RSPO2: variants seen among roughly 807,000 people sequenced by gnomAD.
RSPO2 encodes the protein R-spondin-2.
RSPO2 carries 14 observed loss-of-function variants against 30.9 expected under a neutral mutation model. The ratio of observed to expected loss-of-function variants is 0.45; its 90% CI spans 0.30 to 0.71. The LOEUF (loss-of-function observed/expected upper bound fraction) is 0.71, where lower values mean the gene tolerates loss of function less well. Ranked by LOEUF, RSPO2 falls within the 30% of genes least tolerant of loss-of-function variation. RSPO2 has a pLI of 0.08. For missense variants in RSPO2, 264 were observed against 301.9 expected (o/e 0.87, Z 0.93); for synonymous variants, 107 against 96.4 (o/e 1.11, Z -0.64).
chr8:107,989,000 C>A, intron 3 of RSPO2, 56 bp downstream of exon 3: 1 of 1,401,004 alleles, frequency 7.1e-7, no homozygotes, highest in African/African-American at 1.5e-5. Flanking sequence ...TTCAACTTAG[C>A]TCCTCTCCTA....
chr8:108,051,467 C>T (rs1027632260), intron 2 of RSPO2, among the ~76,000 whole-genome samples: 3 of 151,988 alleles, frequency 2.0e-5, no homozygotes, highest in Admixed American at 2.0e-4. Context: ...GACTGGAAGT[C>T]AAATCATCTA....
chr8:107,972,721 A>T (rs1327837201), intron 3 of RSPO2, among the ~76,000 whole-genome samples: 1 of 152,112 alleles, frequency 6.6e-6, no homozygotes, highest in Non-Finnish European at 1.5e-5. Flanking sequence ...GAAACTGCCA[A>T]CATCAGATAT....
intron 5 of RSPO2, among the ~76,000 whole-genome samples, chr8:107,902,979 A>G (rs923382208): frequency 6.6e-6 from 1 of 152,146 alleles, no homozygotes; most frequent in African/African-American, 2.4e-5. Context: ...TCAAGCCATC[A>G]TTAATCAAAG....
intron 2 of RSPO2, among the ~76,000 whole-genome samples, chr8:107,992,174 TACACACACAC>T (rs35054419): frequency 3.5e-5 from 5 of 142,066 alleles, no homozygotes; most frequent in Admixed American, 2.1e-4. Context: ...GAAAATGTGA[TACACACACAC>T]ACACACACAC....
chr8:107,924,342 T>G (rs1812286017), intron 5 of RSPO2, among the ~76,000 whole-genome samples: 2 of 152,068 alleles, frequency 1.3e-5, no homozygotes, highest in Non-Finnish European at 2.9e-5. Context: ...ATTTTGAGGT[T>G]AAACATAAGG....
rs146486138 is a variant in RSPO2, at chr8:107,958,081, T to C, written c.615A>G (p.Gly205=). ...AGTAGTGATTATATCCACACCTACC[T>C]CCTGGACAATGCCTCATTGTCATCT... The part of the protein sequence containing the change: ...RCKMTMRHCP[G]GKRTPKAKEK... Residue 205 remains glycine (G), a splice_region_variant and synonymous_variant, in exon 5 of 6, where the codon GGA becomes GGG. Coordinates refer to ENST00000276659, the MANE Select transcript of RSPO2 (RefSeq NM_178565.5). 101 of 1,610,462 alleles carry C rather than the reference T, an allele frequency of 6.3e-5. No homozygotes were observed. The highest frequency in any genetic ancestry group is 8.2e-5 in the Non-Finnish European group (96 of 1,177,038).
chr8:107,959,744 C>A (rs908443022), intron 4 of RSPO2, among the ~76,000 whole-genome samples: 1 of 152,022 alleles, frequency 6.6e-6, no homozygotes, highest in Non-Finnish European at 1.5e-5. Flanking sequence ...AATAGTGGTG[C>A]CTATAAAATG....
Position 107,958,168 on chromosome 8 carries a change from A to T in RSPO2, c.528T>A (p.Ile176=), listed in dbSNP as rs200806324. The T allele has an allele frequency of 5.6e-6, 9 of 1,613,870 alleles. No individual in the cohort carries two copies. The highest frequency in any genetic ancestry group is 1.1e-5 in the South Asian group (1 of 91,074). ...TTGTGTCTTTCACTGGCTTTTTAAC[A>T]ATTTGCCGTGTTCTGGTTTCCAGAC... is the stretch of plus-strand genomic sequence containing the variant. ...KWGLETRTRQ[I]VKKPVKDTIL... is the part of the protein sequence containing the mutation. Residue 176 remains isoleucine, a synonymous_variant, in exon 5 of 6, where the codon ATT becomes ATA. Transcript: ENST00000276659.
intron 3 of RSPO2, among the ~76,000 whole-genome samples, chr8:107,968,429 G>T (rs1044599349): frequency 1.2e-4 from 18 of 152,102 alleles, no homozygotes; most frequent in South Asian, 2.1e-4. Flanking sequence ...TAGAATGGTG[G>T]TTACCAGAGA....
chr8:108,022,285 A>G (rs1235085235), intron 2 of RSPO2, among the ~76,000 whole-genome samples: 1 of 152,158 alleles, frequency 6.6e-6, no homozygotes, highest in Non-Finnish European at 1.5e-5. Flanking sequence ...AGAGAGAGCA[A>G]CAGTTAAAAT....
At chr8:107,903,482 TCTGAAG>T (rs1811543644) in intron 5 of RSPO2, among the ~76,000 whole-genome samples, 2 of 152,220 alleles carry the variant, frequency 1.3e-5, no homozygotes, top group African/African-American at 4.8e-5. Context: ...AATATATTAT[TCTGAAG>T]TAATTGTCAA....
At chr8:108,060,315 T>A (rs1219968528) in intron 2 of RSPO2, among the ~76,000 whole-genome samples, 1 of 151,740 alleles carries the variant, frequency 6.6e-6, no homozygotes, top group African/African-American at 2.4e-5. Flanking sequence ...AAAACTAGAA[T>A]AATCAACATA....
intron 2 of RSPO2, among the ~76,000 whole-genome samples, chr8:108,049,580 T>C (rs1383095543): frequency 6.6e-6 from 1 of 151,690 alleles, no homozygotes; most frequent in East Asian, 2.0e-4. Flanking sequence ...GGCCCCAGTA[T>C]GTGATGTTCC....
intron 2 of RSPO2, among the ~76,000 whole-genome samples, chr8:107,995,676 G>T (rs546526310): frequency 1.1e-4 from 17 of 152,110 alleles, no homozygotes; most frequent in African/African-American, 4.1e-4. Context: ...AATAGCCTAG[G>T]TTGCTGAAGG....
At chr8:108,078,972 A>C (rs1813101703) in intron 2 of RSPO2, among the ~76,000 whole-genome samples, 1 of 152,226 alleles carries the variant, frequency 6.6e-6, no homozygotes, top group African/African-American at 2.4e-5. Flanking sequence ...ACCACAATAA[A>C]GTTATGATTT....
intron 2 of RSPO2, among the ~76,000 whole-genome samples, chr8:108,070,726 T>C (rs1812820803): frequency 1.3e-5 from 2 of 152,164 alleles, no homozygotes; most frequent in South Asian, 4.1e-4. Context: ...GAAAGGTCCT[T>C]AGAGTTCACT....
At chr8:107,958,696 G>A (rs1001821540) in intron 4 of RSPO2, among the ~76,000 whole-genome samples, 8 of 151,964 alleles carry the variant, frequency 5.3e-5, no homozygotes, top group Non-Finnish European at 8.8e-5. Flanking sequence ...CTCCCTCCCC[G>A]CATCGCCCCC....
chr8:108,033,354 G>A (rs919340862), intron 2 of RSPO2, among the ~76,000 whole-genome samples: 3 of 152,188 alleles, frequency 2.0e-5, no homozygotes, highest in African/African-American at 7.2e-5. Context: ...CAGTCCAGCT[G>A]CTAATTAACT....
At chr8:108,038,738 C>T (rs1232671978) in intron 2 of RSPO2, among the ~76,000 whole-genome samples, 2 of 151,926 alleles carry the variant, frequency 1.3e-5, no homozygotes, top group Admixed American at 1.3e-4. Context: ...TCAGTGAAGG[C>T]TCAGATGATT....
Sources: allele counts gnomAD v4.1 joint callset (sites outside exome capture counted in the v4.1 genomes callset), GRCh38; gene constraint gnomAD v4.1.1; transcripts MANE v1.5; gene names NCBI Gene and HGNC (gene_info 2026-07-23, HGNC 2026-07-21).